SHANK2: variants seen among roughly 807,000 people sequenced by gnomAD.
SHANK2 encodes the protein SH3 and multiple ankyrin repeat domains protein 2.
SHANK2 carries 43 observed loss-of-function variants against 133.7 expected under a neutral mutation model. The ratio of observed to expected loss-of-function variants is 0.32; its 90% CI spans 0.25 to 0.41. The LOEUF (loss-of-function observed/expected upper bound fraction) is 0.41, where lower values mean the gene tolerates loss of function less well. Ranked by LOEUF, SHANK2 falls within the 10% of genes least tolerant of loss-of-function variation. The pLI, the probability that SHANK2 is intolerant of heterozygous loss-of-function variation, is 1.00. For missense variants in SHANK2, 1,994 were observed against 2,235.8 expected (o/e 0.89, Z 2.18); for synonymous variants, 1,017 against 952.8 (o/e 1.07, Z -1.24).
At chr11:70,875,219 A>G (rs1436929118) in intron 11 of SHANK2, among the ~76,000 whole-genome samples, 1 of 152,158 alleles carries the variant, frequency 6.6e-6, no homozygotes, top group Non-Finnish European at 1.5e-5. Context: ...TTCTCTCCAG[A>G]TGAAGCAATA....
chr11:71,084,955 C>T (rs1351879450), intron 8 of SHANK2, among the ~76,000 whole-genome samples: 8 of 152,092 alleles, frequency 5.3e-5, no homozygotes, highest in Non-Finnish European at 1.0e-4. Context: ...TGCTACGGGT[C>T]CTATACACAT....
intron 15 of SHANK2, among the ~76,000 whole-genome samples, chr11:70,678,865 G>A (rs995712279): frequency 1.3e-5 from 2 of 152,012 alleles, no homozygotes; most frequent in Admixed American, 1.3e-4. Flanking sequence ...TTCTAACTGC[G>A]AACTGTTTGG....
chr11:70,706,446 C>G (rs1945665046), intron 14 of SHANK2, among the ~76,000 whole-genome samples: 1 of 152,182 alleles, frequency 6.6e-6, no homozygotes, highest in Admixed American at 6.5e-5. Context: ...ATGATTACAG[C>G]TCCAGCTGGG....
chr11:71,083,007 A>G (rs1409501692), intron 8 of SHANK2, among the ~76,000 whole-genome samples: 1 of 145,030 alleles, frequency 6.9e-6, no homozygotes, highest in Non-Finnish European at 1.5e-5. Context: ...GTACAGTGGC[A>G]TAATCTTGGC....
chr11:71,234,405 C>T (rs4944561), intron 1 of SHANK2, among the ~76,000 whole-genome samples: 1 of 137,542 alleles, frequency 7.3e-6, no homozygotes, highest in East Asian at 2.2e-4. Context: ...AAATAAATAA[C>T]AACAAAATGT....
intron 10 of SHANK2, among the ~76,000 whole-genome samples, chr11:70,897,528 C>G (rs1949954353): frequency 6.6e-6 from 1 of 152,192 alleles, no homozygotes; most frequent in South Asian, 2.1e-4. Context: ...TCAAATTGGC[C>G]AACCTCATAA....
At chr11:70,504,156 C>T (rs1348851992) in intron 17 of SHANK2, among the ~76,000 whole-genome samples, 4 of 152,360 alleles carry the variant, frequency 2.6e-5, no homozygotes, top group Admixed American at 2.0e-4. Flanking sequence ...ACGTCATGCC[C>T]CTCACCAGCC....
chr11:70,528,556 G>C (rs891427651), intron 17 of SHANK2, among the ~76,000 whole-genome samples: 6 of 152,120 alleles, frequency 3.9e-5, no homozygotes, highest in African/African-American at 7.2e-5. Flanking sequence ...CAGCCAGCGT[G>C]GGGGCAGCAG....
At chr11:71,174,481 A>T (rs1555112778) in intron 2 of SHANK2, among the ~76,000 whole-genome samples, 1 of 152,054 alleles carries the variant, frequency 6.6e-6, no homozygotes, top group Admixed American at 6.6e-5. Flanking sequence ...GGAGTTTGAG[A>T]CCAGCTTGGC....
intron 17 of SHANK2, among the ~76,000 whole-genome samples, chr11:70,601,068 T>TCTATATCTATATC (rs781966152): frequency 1.4e-5 from 2 of 147,362 alleles, no homozygotes; most frequent in African/African-American, 5.0e-5. Context: ...TATATCTATA[T>TCTATATCTATATC]TTGAGATGGA....
chr11:71,201,443 G>T (rs1327335577), intron 2 of SHANK2, among the ~76,000 whole-genome samples: 2 of 152,210 alleles, frequency 1.3e-5, no homozygotes, highest in African/African-American at 2.4e-5. Flanking sequence ...ACCACGCTGT[G>T]TCCACTGCAC....
In SHANK2 at chr11:70,592,774, C is replaced by T. The variant is rs190712982; in HGVS notation, c.2061+67054G>A. On this transcript the variant is annotated intron_variant, in intron 17 of 25. Coordinates refer to ENST00000601538, the MANE Select transcript of SHANK2 (RefSeq NM_012309.5). ...CTTTTGCTATGGCCCAAGGCAGCTG[C>T]GGATTCCCATCCATGCTCCTTCAGC... 2.9e-3 allele frequency among the ~76,000 whole-genome samples: 442 copies of T among 152,288 alleles called. 1 individual carries two copies. The highest frequency in any genetic ancestry group is 5.6e-3 in the Admixed American group (85 of 15,300).
intron 17 of SHANK2, among the ~76,000 whole-genome samples, chr11:70,514,103 A>G (rs925427813): frequency 6.6e-6 from 1 of 152,250 alleles, no homozygotes; most frequent in African/African-American, 2.4e-5. Context: ...GCCAAAGACA[A>G]GGTGAGAATC....
chr11:70,771,035 C>G (rs1310629908), intron 14 of SHANK2, among the ~76,000 whole-genome samples: 1 of 150,506 alleles, frequency 6.6e-6, no homozygotes, highest in African/African-American at 2.4e-5. Flanking sequence ...AGCGATACAC[C>G]CACCTCAGCC....
At chr11:70,783,064 CTG>C (rs1428768252) in intron 14 of SHANK2, among the ~76,000 whole-genome samples, 2 of 152,178 alleles carry the variant, frequency 1.3e-5, no homozygotes, top group East Asian at 3.9e-4. Context: ...TTCTCTGTCT[CTG>C]TCTTTCTGCG....
At chr11:71,117,556 G>A (rs527372684) in intron 4 of SHANK2, among the ~76,000 whole-genome samples, 13 of 152,152 alleles carry the variant, frequency 8.5e-5, no homozygotes, top group African/African-American at 2.2e-4. Context: ...ACTCCCAGTC[G>A]CCCTGCTGAC....
chr11:71,191,243 T>C (rs1555115371), intron 2 of SHANK2, among the ~76,000 whole-genome samples: 1 of 152,180 alleles, frequency 6.6e-6, no homozygotes, highest in African/African-American at 2.4e-5. Context: ...GCTATGTCTT[T>C]GTTCACAATT....
At chr11:70,817,057 T>C (rs1555054556) in intron 12 of SHANK2, among the ~76,000 whole-genome samples, 1 of 152,190 alleles carries the variant, frequency 6.6e-6, no homozygotes, top group East Asian at 1.9e-4. Context: ...CATATGGCCC[T>C]ATGCAGGGAC....
intron 6 of SHANK2, among the ~76,000 whole-genome samples, chr11:71,108,634 C>T (rs1395773408): frequency 2.0e-5 from 3 of 152,234 alleles, no homozygotes; most frequent in African/African-American, 7.2e-5. Context: ...TGCAAGCAGA[C>T]CCCCAGGCTT....
Sources: allele counts gnomAD v4.1 joint callset (sites outside exome capture counted in the v4.1 genomes callset), GRCh38; gene constraint gnomAD v4.1.1; transcripts MANE v1.5; gene names NCBI Gene and HGNC (gene_info 2026-07-23, HGNC 2026-07-21).